The following FOXP2 variants were observed in gnomAD, a reference collection of about 807,000 sequenced individuals.
FOXP2 encodes the protein forkhead box P2, also known as forkhead box protein P2.
In FOXP2, 12 loss-of-function variants were observed where a neutral mutation model predicts 115.8. The ratio of observed to expected loss-of-function variants is 0.10; its 90% CI spans 0.07 to 0.17. The LOEUF (loss-of-function observed/expected upper bound fraction) is 0.17. FOXP2 is among the 10% of genes least tolerant of loss of function. FOXP2 has a pLI of 1.00. For missense variants in FOXP2, 629 were observed against 843.5 expected, an observed-to-expected ratio of 0.75 and a Z score of 3.15; for synonymous variants, 328 against 297.7, an observed-to-expected ratio of 1.10 and a Z score of -1.05.
chr7:114,237,690 T>A (rs1188411324), intron 1 of FOXP2, among the ~76,000 whole-genome samples: 1 of 152,064 alleles, frequency 6.6e-6, no homozygotes, highest in African/African-American at 2.4e-5. Context: ...TATTCTATTT[T>A]AGGCAGGGCT....
chr7:114,598,784 G>C (rs1160850885), intron 3 of FOXP2, among the ~76,000 whole-genome samples: 1 of 151,976 alleles, frequency 6.6e-6, no homozygotes, highest in Non-Finnish European at 1.5e-5. Context: ...TCTATAAAAA[G>C]TACATTAACC....
chr7:114,498,272 C>T (rs1458642578), intron 2 of FOXP2, among the ~76,000 whole-genome samples: 1 of 152,098 alleles, frequency 6.6e-6, no homozygotes, highest in African/African-American at 2.4e-5. Flanking sequence ...TAGTTTCTAT[C>T]CTTAGATGAG....
intron 2 of FOXP2, among the ~76,000 whole-genome samples, chr7:114,487,592 T>G (rs1413465857): frequency 6.6e-6 from 1 of 152,142 alleles, no homozygotes; most frequent in Non-Finnish European, 1.5e-5. Context: ...TTTCCAAACT[T>G]TTATGCTCTG....
chr7:114,136,334 T>G (rs1288907710), intron 1 of FOXP2, among the ~76,000 whole-genome samples: 3 of 152,066 alleles, frequency 2.0e-5, no homozygotes, highest in Non-Finnish European at 4.4e-5. Flanking sequence ...GTACTTTGTC[T>G]CCTAGGATAT....
In FOXP2 at chr7:114,327,735, C is replaced by T. The variant is rs111291478; in HGVS notation, c.-11+39626C>T. Among the ~76,000 whole-genome samples, 252 of 151,870 alleles carry T rather than the reference C, an allele frequency of 1.7e-3. 1 individual carries two copies. The highest frequency in any genetic ancestry group is 5.4e-3 in the African/African-American group (226 of 41,476). ...CAGGCTGGTCTCAAACTCCTGACCT[C>T]GTGATCTGCCACCCTCAGCCTCCCA... On this transcript the variant is annotated intron_variant, in intron 2 of 17. Coordinates refer to the FOXP2 transcript ENST00000634411.
intron 7 of FOXP2, among the ~76,000 whole-genome samples, chr7:114,644,151 A>G (rs959550653): frequency 3.9e-5 from 6 of 152,194 alleles, no homozygotes; most frequent in Non-Finnish European, 5.9e-5. Context: ...AAAGTCTTCA[A>G]TAATTATATA....
chr7:114,273,579 T>A (rs1340883385), intron 1 of FOXP2, among the ~76,000 whole-genome samples: 1 of 152,008 alleles, frequency 6.6e-6, no homozygotes, highest in African/African-American at 2.4e-5. Context: ...GATTCATCAG[T>A]TTTTTCTTGC....
At chr7:114,341,627 A>G (rs1791219875) in intron 2 of FOXP2, among the ~76,000 whole-genome samples, 1 of 151,412 alleles carries the variant, frequency 6.6e-6, no homozygotes, top group South Asian at 2.1e-4. Flanking sequence ...ATCAGAAATA[A>G]TGATCCATCA....
intron 3 of FOXP2, among the ~76,000 whole-genome samples, chr7:114,575,560 A>C (rs1382943308): frequency 6.6e-6 from 1 of 151,822 alleles, no homozygotes; most frequent in Admixed American, 6.6e-5. Flanking sequence ...ATGCTTTCTG[A>C]CTTGTTAAGT....
intron 3 of FOXP2, among the ~76,000 whole-genome samples, chr7:114,573,775 G>A (rs1801436296): frequency 6.6e-6 from 1 of 151,622 alleles, no homozygotes; most frequent in East Asian, 1.9e-4. Context: ...TTATTAACAA[G>A]CCTAAAGTAA....
Position 114,505,740 on chromosome 7 carries a change from T to A in FOXP2, c.169-28877T>A, listed in dbSNP as rs528464729. Among the ~76,000 whole-genome samples the A allele has an allele frequency of 1.7e-4, 26 of 151,490 alleles. No individual in the cohort carries two copies. In the East Asian group the frequency reaches 5.0e-3, roughly 29 times the overall value. On this transcript the variant is annotated intron_variant, in intron 2 of 16. Coordinates refer to ENST00000350908, the MANE Select transcript of FOXP2 (RefSeq NM_014491.4). Reference sequence around the variant, plus strand: ...ATATTCTATTATGTGATCTATAGGGTTTTTGTGTGTTCAGAAGGAGTCTAC... The same window carrying A: ...ATATTCTATTATGTGATCTATAGGGATTTTGTGTGTTCAGAAGGAGTCTAC...
chr7:114,430,349 G>A (rs1046155650), intron 2 of FOXP2, among the ~76,000 whole-genome samples: 29 of 151,686 alleles, frequency 1.9e-4, no homozygotes, highest in African/African-American at 7.0e-4. Context: ...TTTTCTTTTA[G>A]AAATTAATAT....
At chr7:114,287,455 G>A (rs1180486967) in intron 1 of FOXP2, among the ~76,000 whole-genome samples, 1 of 151,896 alleles carries the variant, frequency 6.6e-6, no homozygotes, top group East Asian at 1.9e-4. Context: ...TCAGATTAAA[G>A]AAGGAAGAAA....
chr7:114,652,210 A>C lies in FOXP2; in HGVS notation c.1102A>C (p.Asn368His). The C allele has an allele frequency of 6.2e-7, 1 of 1,612,890 alleles. No homozygotes were observed. Among genetic ancestry groups the C allele is most frequent in the Admixed American group, 1.7e-5 (1 of 59,890 alleles). Reference sequence around the variant, plus strand: ...TGTCTTCTGTTTGTTTAGGCACCTTAACAATGAACACGCATTGGATGACCG... The same window carrying C: ...TGTCTTCTGTTTGTTTAGGCACCTTCACAATGAACACGCATTGGATGACCG... ...EDFGQFLKHL[N>H]NEHALDDRST... Residue 368 changes from asparagine to histidine, a missense_variant, in exon 9 of 17, where the codon AAC (asparagine) becomes CAC (histidine). This residue lies in a region of FOXP2 where 24 missense variants were observed against 76.3 expected (regional missense o/e 0.31). Transcript: ENST00000350908.
At chr7:114,541,883 A>G (rs1314685744) in intron 3 of FOXP2, among the ~76,000 whole-genome samples, 1 of 151,790 alleles carries the variant, frequency 6.6e-6, no homozygotes, top group African/African-American at 2.4e-5. Context: ...ATAGAACATT[A>G]ATATTGTTAT....
chr7:114,663,001 C>A (rs1481820287), intron 14 of FOXP2, among the ~76,000 whole-genome samples: 2 of 152,004 alleles, frequency 1.3e-5, no homozygotes, highest in East Asian at 3.9e-4. Flanking sequence ...AATAGTTAAT[C>A]TATTATGTTG....
chr7:114,130,528 A>C (rs561454086), intron 1 of FOXP2, among the ~76,000 whole-genome samples: 42 of 152,336 alleles, frequency 2.8e-4, no homozygotes, highest in African/African-American at 1.0e-3. Flanking sequence ...GTATTTCTTC[A>C]CTATAAAATG....
intron 3 of FOXP2, among the ~76,000 whole-genome samples, chr7:114,620,419 A>T (rs974428523): frequency 6.6e-6 from 1 of 152,070 alleles, no homozygotes; most frequent in Non-Finnish European, 1.5e-5. Flanking sequence ...CAAAGTGATG[A>T]ACTGTAATTC....
At chr7:114,314,693 A>T (rs1224965771) in intron 2 of FOXP2, among the ~76,000 whole-genome samples, 1 of 152,224 alleles carries the variant, frequency 6.6e-6, no homozygotes, top group Non-Finnish European at 1.5e-5. Context: ...GCACTTGCTG[A>T]ATTAATGAGT....
Sources: gnomAD v4.1 joint callset for allele counts (sites outside exome capture counted in the v4.1 genomes callset) on GRCh38, gnomAD v4.1.1 for gene constraint, gnomAD v4.1.1 regional missense constraint, MANE v1.5 for transcripts, NCBI Gene and HGNC (gene_info 2026-07-23, HGNC 2026-07-21) for gene names.